The following MSRA variants were observed in gnomAD, a reference collection of about 807,000 sequenced individuals.
MSRA encodes methionine sulfoxide reductase A.
MSRA carries 54 observed loss-of-function variants against 31.3 expected under a neutral mutation model. The observed-to-expected ratio is 1.73, with a 90% CI of 1.39 to 2.17. MSRA has a LOEUF of 2.17. Ranked by LOEUF, MSRA falls within the 30% of genes most tolerant of loss-of-function variation. The probability of loss-of-function intolerance (pLI) is 0.00; values close to 1 mark genes in which losing one functional copy is unlikely to be tolerated. For missense variants in MSRA, 507 were observed against 300.9 expected (o/e 1.69, Z -5.07); for synonymous variants, 169 against 116.5 (o/e 1.45, Z -2.90).
chr8:10,242,507 G>T (rs116618947), intron 2 of MSRA, among the ~76,000 whole-genome samples: 2 of 152,148 alleles, frequency 1.3e-5, no homozygotes, highest in South Asian at 2.1e-4. Flanking sequence ...GGTGGTGGTT[G>T]TAAGGGTGTT....
At chr8:10,223,696 G>A (rs1810727874) in intron 2 of MSRA, among the ~76,000 whole-genome samples, 1 of 152,154 alleles carries the variant, frequency 6.6e-6, no homozygotes, top group Admixed American at 6.5e-5. Flanking sequence ...ATGTATTTGA[G>A]GAAATAATGA....
At chr8:10,232,316 G>A (rs1811561821) in intron 2 of MSRA, among the ~76,000 whole-genome samples, 1 of 148,758 alleles carries the variant, frequency 6.7e-6, no homozygotes. Context: ...GTTGTTGGAG[G>A]GTTTGTTATT....
At chr8:10,407,555 G>T (rs1242913153) in intron 5 of MSRA, among the ~76,000 whole-genome samples, 1 of 152,316 alleles carries the variant, frequency 6.6e-6, no homozygotes, top group Non-Finnish European at 1.5e-5. Flanking sequence ...GGTAGCAAAT[G>T]ATGCCGTGTG....
chr8:10,061,418 C>T (rs1450317654), intron 1 of MSRA, among the ~76,000 whole-genome samples: 1 of 152,108 alleles, frequency 6.6e-6, no homozygotes, highest in Non-Finnish European at 1.5e-5. Context: ...TTTTTCTCTC[C>T]AACCTAAGTG....
At chr8:10,260,464 T>C (rs776007571) in intron 3 of MSRA, among the ~76,000 whole-genome samples, 4 of 152,106 alleles carry the variant, frequency 2.6e-5, no homozygotes, top group East Asian at 1.9e-4. Context: ...GCGGCACACG[T>C]ACACAAGCGA....
At chr8:10,396,405 C>G (rs558471488) in intron 5 of MSRA, among the ~76,000 whole-genome samples, 1 of 152,252 alleles carries the variant, frequency 6.6e-6, no homozygotes, top group East Asian at 1.9e-4. Flanking sequence ...TGATAAAAGT[C>G]TATATCATCA....
At chr8:10,163,346 A>G (rs1435047312) in intron 1 of MSRA, among the ~76,000 whole-genome samples, 2 of 152,100 alleles carry the variant, frequency 1.3e-5, no homozygotes, top group African/African-American at 2.4e-5. Flanking sequence ...GTCACCTTCC[A>G]TTGTCTTCTC....
chr8:10,295,901 C>G (rs1278170141), intron 3 of MSRA, among the ~76,000 whole-genome samples: 1 of 152,146 alleles, frequency 6.6e-6, no homozygotes, highest in Admixed American at 6.5e-5. Context: ...GGCAAGATTC[C>G]AGCCTCAGCT....
chr8:10,167,810 G>T (rs990161425), intron 1 of MSRA, among the ~76,000 whole-genome samples: 3 of 151,942 alleles, frequency 2.0e-5, no homozygotes, highest in Non-Finnish European at 4.4e-5. Flanking sequence ...CAAACAGAAG[G>T]GTACATAAAA....
chr8:10,395,858 G>T (rs1807064345), intron 5 of MSRA, among the ~76,000 whole-genome samples: 1 of 152,118 alleles, frequency 6.6e-6, no homozygotes, highest in Non-Finnish European at 1.5e-5. Flanking sequence ...ATAAAATGGT[G>T]CTCCTAGGCA....
At chr8:10,130,914 A>G (rs1329664826) in intron 1 of MSRA, among the ~76,000 whole-genome samples, 1 of 152,226 alleles carries the variant, frequency 6.6e-6, no homozygotes, top group East Asian at 1.9e-4. Context: ...TGCTAAAGCC[A>G]GGATATAAAA....
At position 10,181,588 on chromosome 8, in the gene MSRA, A is replaced by G. The variant is rs78152916; in HGVS notation, c.143-26245A>G. Among the ~76,000 whole-genome samples, 15 of 152,304 alleles carry G rather than the reference A, an allele frequency of 9.8e-5. No individual in the cohort carries two copies. In the East Asian group the frequency reaches 2.5e-3, roughly 25 times the overall value. On this transcript the variant is annotated intron_variant, in intron 1 of 5. Coordinates refer to ENST00000317173, the MANE Select transcript of MSRA (RefSeq NM_012331.5). ...AGGAAACATGGAAGCTGGGGATGAC[A>G]TGATTGTATTTACATTTAAGGCAAT...
chr8:10,269,387 A>G (rs555418836), intron 3 of MSRA, among the ~76,000 whole-genome samples: 1 of 152,210 alleles, frequency 6.6e-6, no homozygotes, highest in Non-Finnish European at 1.5e-5. Context: ...ATGTCATGAT[A>G]TATAGGCCTA....
intron 5 of MSRA, among the ~76,000 whole-genome samples, chr8:10,336,074 C>T (rs1490507051): frequency 6.6e-6 from 1 of 152,144 alleles, no homozygotes; most frequent in Admixed American, 6.5e-5. Context: ...AGGAAGATCG[C>T]TCCTCCCTTT....
At chr8:10,374,436 A>T (rs945305977) in intron 5 of MSRA, among the ~76,000 whole-genome samples, 2 of 152,168 alleles carry the variant, frequency 1.3e-5, no homozygotes, top group Admixed American at 6.5e-5. Flanking sequence ...TAGGCTGGGT[A>T]CCGTGCATAT....
At chr8:10,156,596 ATCTCT>A (rs1445787681) in intron 1 of MSRA, among the ~76,000 whole-genome samples, 1 of 152,142 alleles carries the variant, frequency 6.6e-6, no homozygotes. Flanking sequence ...ATAGAAATTA[ATCTCT>A]TCTTTTCATA....
At chr8:10,101,859 A>G (rs143318262) in intron 1 of MSRA, among the ~76,000 whole-genome samples, 2 of 152,322 alleles carry the variant, frequency 1.3e-5, no homozygotes, top group Admixed American at 6.5e-5. Flanking sequence ...GAGTGCACAG[A>G]TATCTCTTTG....
intron 5 of MSRA, among the ~76,000 whole-genome samples, chr8:10,356,264 GA>G (rs1320314349): frequency 1.3e-5 from 2 of 152,140 alleles, no homozygotes; most frequent in African/African-American, 2.4e-5. Context: ...GGCAGACCTT[GA>G]AAAAAGTTTG....
intron 1 of MSRA, among the ~76,000 whole-genome samples, chr8:10,070,368 G>T (rs970691337): frequency 1.3e-5 from 2 of 152,134 alleles, no homozygotes; most frequent in African/African-American, 4.8e-5. Flanking sequence ...TGTAAACCAG[G>T]GGTTGGCAAA....
Sources: allele counts gnomAD v4.1 joint callset (sites outside exome capture counted in the v4.1 genomes callset), GRCh38; gene constraint gnomAD v4.1.1; transcripts MANE v1.5; gene names NCBI Gene and HGNC (gene_info 2026-07-23, HGNC 2026-07-21).